The following SLC4A5 variants were observed in gnomAD, a reference collection of about 807,000 sequenced individuals.
The protein encoded by SLC4A5 is solute carrier family 4 member 5.
SLC4A5 carries 96 observed loss-of-function variants against 120.4 expected under a neutral mutation model. The ratio of observed to expected loss-of-function variants is 0.80; its 90% confidence interval spans 0.68 to 0.94. The LOEUF is 0.94. Ranked by LOEUF, SLC4A5 falls within the 40% of genes least tolerant of loss-of-function variation. The pLI is 0.00. For missense variants in SLC4A5, 1,259 were observed against 1,459.5 expected (o/e 0.86, Z 2.24); for synonymous variants, 550 against 571.1 (o/e 0.96, Z 0.53).
intron 8 of SLC4A5, among the ~76,000 whole-genome samples, chr2:74,284,277 C>T (rs1180499343): frequency 8.6e-6 from 1 of 116,138 alleles, no homozygotes; most frequent in Non-Finnish European, 1.6e-5. Context: ...CCCGGGTTCA[C>T]GCCATTCTCC....
chr2:74,318,420 C>T (rs1000385278), intron 5 of SLC4A5, among the ~76,000 whole-genome samples: 1 of 152,196 alleles, frequency 6.6e-6, no homozygotes, highest in Non-Finnish European at 1.5e-5. Context: ...CGAGGTGGCT[C>T]ATGCCTGTAA....
intron 5 of SLC4A5, among the ~76,000 whole-genome samples, chr2:74,319,990 A>G (rs193283561): frequency 3.0e-4 from 46 of 152,334 alleles, no homozygotes; most frequent in Non-Finnish European, 4.6e-4. Context: ...CTATGAACCT[A>G]TAAGTTTTTA....
chr2:74,258,726 C>T (rs917656809), intron 12 of SLC4A5, among the ~76,000 whole-genome samples: 2 of 152,178 alleles, frequency 1.3e-5, no homozygotes, highest in Non-Finnish European at 2.9e-5. Context: ...CAGAAAATGC[C>T]TGGCACAGTG....
chr2:74,291,227 G>A (rs576228525), intron 7 of SLC4A5, among the ~76,000 whole-genome samples: 46 of 152,356 alleles, frequency 3.0e-4, no homozygotes, highest in African/African-American at 1.0e-3. Context: ...GACAGTGGAA[G>A]CTCGTCACTT....
chr2:74,251,414 G>A (rs1194039646), intron 16 of SLC4A5, among the ~76,000 whole-genome samples: 1 of 151,448 alleles, frequency 6.6e-6, no homozygotes. Context: ...CAACCTGAAT[G>A]ACTCCAAGAG....
chr2:74,248,348 C>A lies in SLC4A5; in HGVS notation c.1787+5G>T. 6.2e-7 allele frequency: 1 copy of A among 1,613,840 alleles called. No homozygotes were observed. Among genetic ancestry groups the A allele is most frequent in the Non-Finnish European group, 8.5e-7 (1 of 1,179,850 alleles). ...AGGCACTGGGGGCCACCAAGGGACA[C>A]CTACTTGCTGAAGTCGAAGAGGAGC... is the stretch of plus-strand genomic sequence containing the variant. On this transcript the variant is annotated splice_donor_5th_base_variant and intron_variant, in intron 18 of 30. Transcript: ENST00000394019.
intron 7 of SLC4A5, among the ~76,000 whole-genome samples, chr2:74,301,348 C>T (rs1005208581): frequency 6.6e-6 from 1 of 152,214 alleles, no homozygotes; most frequent in Non-Finnish European, 1.5e-5. Context: ...GGGGTCTCTG[C>T]TCAATCCTCC....
At chr2:74,250,424 G>C (rs1337812380) in exon 17 of SLC4A5, 1 of 1,614,076 alleles carries the variant, frequency 6.2e-7, no homozygotes, top group African/African-American at 1.3e-5. Context: ...TGAATAGGAT[G>C]GCAGAGATGG....
chr2:74,278,899 T>C (rs1165089661), intron 8 of SLC4A5, among the ~76,000 whole-genome samples: 1 of 152,216 alleles, frequency 6.6e-6, no homozygotes, highest in Non-Finnish European at 1.5e-5. Flanking sequence ...CTTACCTGGC[T>C]CATGTATACC....
chr2:74,235,163 A>G (rs1372783259), exon 22 of SLC4A5: 2 of 1,614,188 alleles, frequency 1.2e-6, no homozygotes, highest in Non-Finnish European at 1.7e-6. Context: ...TCGATTCCAC[A>G]GAACATCAGG....
exon 27 of SLC4A5, chr2:74,227,009 G>A (rs776514133): frequency 6.2e-6 from 10 of 1,614,008 alleles, no homozygotes; most frequent in African/African-American, 1.3e-5. Context: ...CCAGAGCACC[G>A]CCAGGCAGAG....
intron 7 of SLC4A5, among the ~76,000 whole-genome samples, chr2:74,304,101 G>A (rs899916230): frequency 2.6e-5 from 4 of 151,984 alleles, no homozygotes; most frequent in Non-Finnish European, 4.4e-5. Flanking sequence ...CGCCCACCTC[G>A]GCCTCCCAAA....
chr2:74,246,630 C>G (rs72818061), intron 19 of SLC4A5, among the ~76,000 whole-genome samples: 1 of 152,236 alleles, frequency 6.6e-6, no homozygotes, highest in South Asian at 2.1e-4. Flanking sequence ...TGTGGCCACA[C>G]GGGCAGCTCT....
rs771889473 is a variant in SLC4A5, at chr2:74,227,267, G to T, written c.2917-137C>A. The T allele has an allele frequency of 3.8e-4, 400 of 1,054,282 alleles. 1 individual carries two copies. Among genetic ancestry groups the T allele is most frequent in the Non-Finnish European group, 5.2e-4 (386 of 746,104 alleles). 65.3% of individuals were successfully genotyped at this position (1,054,282 alleles called of 1,614,324 possible). A position where few individuals can be genotyped will look rare whatever the true frequency, so the allele number is the denominator to read the frequency against. ...CTCAGGCCTTAAGGATGCACGGGAGGGGGGCTGGAGGTGTCTAGGCGGATG... is the reference window on the plus strand; with the variant it reads ...CTCAGGCCTTAAGGATGCACGGGAGTGGGGCTGGAGGTGTCTAGGCGGATG... On this transcript the variant is annotated intron_variant, in intron 26 of 30. Transcript: ENST00000394019.
intron 30 of SLC4A5, among the ~76,000 whole-genome samples, chr2:74,220,646 A>G (rs1694605082): frequency 6.7e-6 from 1 of 149,598 alleles, no homozygotes; most frequent in East Asian, 2.0e-4. Flanking sequence ...CCTCCCGAGT[A>G]GCTGGGACTA....
intron 7 of SLC4A5, among the ~76,000 whole-genome samples, chr2:74,298,280 C>T (rs1443265978): frequency 6.6e-6 from 1 of 152,122 alleles, no homozygotes; most frequent in Non-Finnish European, 1.5e-5. Context: ...CATACATGGT[C>T]AACTAGTATC....
intron 8 of SLC4A5, among the ~76,000 whole-genome samples, chr2:74,278,265 A>G (rs1671705812): frequency 6.6e-6 from 1 of 152,054 alleles, no homozygotes; most frequent in Non-Finnish European, 1.5e-5. Flanking sequence ...ATCTGGGAAG[A>G]GCTTCCTGAG....
At chr2:74,254,213 C>T (rs1354110699) in intron 14 of SLC4A5, among the ~76,000 whole-genome samples, 1 of 152,120 alleles carries the variant, frequency 6.6e-6, no homozygotes, top group African/African-American at 2.4e-5. Flanking sequence ...ACCTCCTGCC[C>T]TTGAAGCTCT....
intron 7 of SLC4A5, among the ~76,000 whole-genome samples, chr2:74,297,587 A>T (rs1026297398): frequency 6.6e-6 from 1 of 152,170 alleles, no homozygotes; most frequent in African/African-American, 2.4e-5. Context: ...GTGCAACCAC[A>T]TTTCTAAAGC....
Sources: gnomAD v4.1 joint callset for allele counts (sites outside exome capture counted in the v4.1 genomes callset) on GRCh38, gnomAD v4.1.1 for gene constraint, MANE v1.5 for transcripts, NCBI Gene and HGNC (gene_info 2026-07-23, HGNC 2026-07-21) for gene names.